Variants in MAGI1 observed in about 807,000 individuals in gnomAD.
The protein encoded by MAGI1 is membrane associated guanylate kinase, WW and PDZ domain containing 1, also known as membrane-associated guanylate kinase, WW and PDZ domain-containing protein 1.
MAGI1 carries 58 observed loss-of-function variants against 139.9 expected under a neutral mutation model. That is an observed-to-expected ratio of 0.41 (90% CI 0.34 to 0.52). The LOEUF (loss-of-function observed/expected upper bound fraction) is 0.52, where lower values mean the gene tolerates loss of function less well. Among genes scored for constraint, MAGI1 ranks in the 20% least tolerant of loss-of-function variants. MAGI1 has a pLI of 0.12. For missense variants in MAGI1, 1,874 were observed against 1,901.6 expected (o/e 0.99, Z 0.27); for synonymous variants, 812 against 737.9 (o/e 1.10, Z -1.63).
intron 1 of MAGI1, among the ~76,000 whole-genome samples, chr3:65,773,205 A>C (rs2038096052): frequency 6.6e-6 from 1 of 152,156 alleles, no homozygotes; most frequent in Non-Finnish European, 1.5e-5. Context: ...AATATATTAA[A>C]ACAACAGCCA....
chr3:65,458,114 C>T (rs1324885168), intron 5 of MAGI1, among the ~76,000 whole-genome samples: 5 of 152,164 alleles, frequency 3.3e-5, no homozygotes, highest in Admixed American at 2.6e-4. Context: ...CAAAGGTTGT[C>T]GCAAATGACT....
chr3:65,739,849 G>C (rs2035106318), intron 1 of MAGI1, among the ~76,000 whole-genome samples: 1 of 152,114 alleles, frequency 6.6e-6, no homozygotes, highest in Non-Finnish European at 1.5e-5. Context: ...AATGATCACA[G>C]ATCACCAAGA....
intron 1 of MAGI1, chr3:65,717,652 A>G (rs1455371094): frequency 6.6e-6 from 1 of 152,188 alleles, no homozygotes; most frequent in East Asian, 1.9e-4. Context: ...GGAGATGAAA[A>G]CATCTTGCAA....
At chr3:65,684,576 T>A (rs1171174093) in intron 1 of MAGI1, among the ~76,000 whole-genome samples, 1 of 152,174 alleles carries the variant, frequency 6.6e-6, no homozygotes, top group East Asian at 1.9e-4. Context: ...CTGTTCAATA[T>A]CTTGACTGTG....
At chr3:66,032,743 C>T (rs1209465662) in intron 1 of MAGI1, among the ~76,000 whole-genome samples, 1 of 151,196 alleles carries the variant, frequency 6.6e-6, no homozygotes, top group Non-Finnish European at 1.5e-5. Context: ...TGGCGAAACC[C>T]CACCTGTACT....
chr3:65,485,064 A>C (rs1011745973), intron 3 of MAGI1, among the ~76,000 whole-genome samples: 8 of 152,222 alleles, frequency 5.3e-5, no homozygotes, highest in Non-Finnish European at 1.2e-4. Context: ...CAGATAGTGC[A>C]CATGAATTCC....
chr3:65,746,981 G>C (rs1028314539), intron 1 of MAGI1, among the ~76,000 whole-genome samples: 1 of 152,160 alleles, frequency 6.6e-6, no homozygotes, highest in Non-Finnish European at 1.5e-5. Context: ...TGGGCTAATG[G>C]AAGACGCCTT....
intron 1 of MAGI1, among the ~76,000 whole-genome samples, chr3:65,724,353 G>A (rs1322406409): frequency 6.6e-6 from 1 of 152,210 alleles, no homozygotes; most frequent in African/African-American, 2.4e-5. Context: ...CTAGAAGACA[G>A]CCCTTTCAGC....
At chr3:65,653,260 CCACT>C (rs2085685193) in intron 1 of MAGI1, among the ~76,000 whole-genome samples, 4 of 152,072 alleles carry the variant, frequency 2.6e-5, no homozygotes, top group Admixed American at 2.6e-4. Flanking sequence ...TTGAATGAGC[CCACT>C]CTTTTCCAAC....
At chr3:65,943,655 G>GTA (rs201704101) in intron 1 of MAGI1, among the ~76,000 whole-genome samples, 16 of 151,536 alleles carry the variant, frequency 1.1e-4, no homozygotes, top group East Asian at 7.8e-4. Flanking sequence ...GTGTGTGTGT[G>GTA]TATATATATA....
chr3:65,899,705 C>G (rs2061139358), intron 1 of MAGI1, among the ~76,000 whole-genome samples: 1 of 152,194 alleles, frequency 6.6e-6, no homozygotes, highest in South Asian at 2.1e-4. Context: ...AATGTTAATT[C>G]TCCATACATA....
intron 1 of MAGI1, among the ~76,000 whole-genome samples, chr3:65,709,370 A>G (rs991091957): frequency 4.6e-5 from 7 of 152,198 alleles, no homozygotes; most frequent in Non-Finnish European, 2.9e-5. Context: ...AGTTTTAAGA[A>G]CAGGTATCTT....
intron 1 of MAGI1, among the ~76,000 whole-genome samples, chr3:65,731,958 G>A (rs764772784): frequency 1.3e-5 from 2 of 152,152 alleles, no homozygotes; most frequent in African/African-American, 4.8e-5. Flanking sequence ...ATTACTTGTG[G>A]TTCTGATATA....
At chr3:65,459,625 C>T (rs1409185548) in intron 5 of MAGI1, among the ~76,000 whole-genome samples, 1 of 151,990 alleles carries the variant, frequency 6.6e-6, no homozygotes, top group Non-Finnish European at 1.5e-5. Flanking sequence ...GAACTATAAC[C>T]CTGGCTAGAA....
chr3:66,025,471 TAC>T (rs2068204141), intron 1 of MAGI1, among the ~76,000 whole-genome samples: 1 of 152,024 alleles, frequency 6.6e-6, no homozygotes, highest in African/African-American at 2.4e-5. Context: ...GCCCAGGAGA[TAC>T]AGGTGAGCCA....
intron 1 of MAGI1, among the ~76,000 whole-genome samples, chr3:65,653,400 G>A (rs952187714): frequency 1.3e-5 from 2 of 152,100 alleles, no homozygotes; most frequent in African/African-American, 4.8e-5. Flanking sequence ...TCTCCAGTTT[G>A]CATTCTTTCA....
At chr3:66,020,341 G>A (rs1035685418) in intron 1 of MAGI1, among the ~76,000 whole-genome samples, 4 of 152,164 alleles carry the variant, frequency 2.6e-5, no homozygotes, top group African/African-American at 4.8e-5. Context: ...GGAAGCAGAG[G>A]TAGGAGAATC....
chr3:65,357,615 G>A (rs927133246), intron 22 of MAGI1, among the ~76,000 whole-genome samples: 1 of 152,054 alleles, frequency 6.6e-6, no homozygotes, highest in East Asian at 1.9e-4. Flanking sequence ...TGAAGAAGGG[G>A]CACCTGGGAA....
chr3:65,558,272 G>A (rs1229775659), intron 2 of MAGI1, among the ~76,000 whole-genome samples: 3 of 152,124 alleles, frequency 2.0e-5, no homozygotes, highest in Middle Eastern at 3.2e-3. Context: ...ATGGATGACA[G>A]ACACTTTATT....
Sources: allele counts gnomAD v4.1 joint callset (sites outside exome capture counted in the v4.1 genomes callset), GRCh38; gene constraint gnomAD v4.1.1; transcripts MANE v1.5; gene names NCBI Gene and HGNC (gene_info 2026-07-23, HGNC 2026-07-21).